Variants in EXT1 observed in about 807,000 individuals in gnomAD.
EXT1 encodes the protein exostosin glycosyltransferase 1.
Under a neutral mutation model 82.5 loss-of-function variants are expected in EXT1, and 20 were observed. The observed-to-expected ratio is 0.24, with a 90% CI of 0.17 to 0.35. The LOEUF (loss-of-function observed/expected upper bound fraction) is 0.35, where lower values mean the gene tolerates loss of function less well. Among genes scored for constraint, EXT1 ranks in the 10% least tolerant of loss-of-function variants. The pLI is 1.00. For synonymous variants in EXT1, 348 were observed against 350.8 expected (o/e 0.99, Z 0.09); for missense variants, 757 against 936.5 (o/e 0.81, Z 2.50).
chr8:118,005,217 C>CAGAT (rs1275512263), intron 1 of EXT1, among the ~76,000 whole-genome samples: 1 of 152,176 alleles, frequency 6.6e-6, no homozygotes, highest in Admixed American at 6.5e-5. Context: ...TCATGACTGA[C>CAGAT]AGATATCCCA....
At chr8:117,924,055 C>T (rs1028272110) in intron 1 of EXT1, among the ~76,000 whole-genome samples, 2 of 152,202 alleles carry the variant, frequency 1.3e-5, no homozygotes, top group African/African-American at 4.8e-5. Context: ...TAGAGGAATT[C>T]GTATCACGTG....
chr8:117,894,204 T>G (rs1813296390), intron 1 of EXT1, among the ~76,000 whole-genome samples: 1 of 152,184 alleles, frequency 6.6e-6, no homozygotes, highest in Admixed American at 6.5e-5. Flanking sequence ...TCTTTTCTTT[T>G]ACTTTTTTTG....
chr8:118,068,272 C>A (rs969150705), intron 1 of EXT1, among the ~76,000 whole-genome samples: 1 of 152,170 alleles, frequency 6.6e-6, no homozygotes, highest in Non-Finnish European at 1.5e-5. Flanking sequence ...AAAGAAAACT[C>A]AAAAATGTAG....
intron 1 of EXT1, among the ~76,000 whole-genome samples, chr8:117,868,410 C>T (rs949314376): frequency 6.6e-6 from 1 of 152,108 alleles, no homozygotes; most frequent in African/African-American, 2.4e-5. Flanking sequence ...ATCATTGAAG[C>T]CAATATGGCT....
chr8:117,924,994 A>G (rs1388757746), intron 1 of EXT1, among the ~76,000 whole-genome samples: 2 of 152,210 alleles, frequency 1.3e-5, no homozygotes, highest in Non-Finnish European at 2.9e-5. Context: ...TGGTTCTAAA[A>G]TGACTTTTAT....
chr8:117,893,637 A>T (rs1310710317), intron 1 of EXT1, among the ~76,000 whole-genome samples: 1 of 152,184 alleles, frequency 6.6e-6, no homozygotes, highest in Non-Finnish European at 1.5e-5. Context: ...AGCTTGTCCC[A>T]ATCCCTGGTG....
intron 1 of EXT1, among the ~76,000 whole-genome samples, chr8:117,984,128 G>A (rs1428830484): frequency 2.0e-5 from 3 of 152,220 alleles, no homozygotes; most frequent in Non-Finnish European, 4.4e-5. Flanking sequence ...GGCTAGAGAT[G>A]TGGCAACTGG....
intron 1 of EXT1, among the ~76,000 whole-genome samples, chr8:117,973,984 A>AGGAAGGAAGGAAGGAG (rs1563617771): frequency 5.3e-5 from 8 of 151,480 alleles, no homozygotes; most frequent in Non-Finnish European, 7.4e-5. Context: ...GAAGGAAGGA[A>AGGAAGGAAGGAAGGAG]GGAAATAAAT....
intron 1 of EXT1, among the ~76,000 whole-genome samples, chr8:118,059,703 C>T (rs992016360): frequency 1.3e-5 from 2 of 152,188 alleles, no homozygotes; most frequent in African/African-American, 4.8e-5. Flanking sequence ...TTCTCTAATC[C>T]TCTCACTTTC....
At chr8:118,004,110 A>G (rs111902084) in intron 1 of EXT1, among the ~76,000 whole-genome samples, 7,135 of 150,972 alleles carry the variant, frequency 0.047, 353 homozygotes, top group African/African-American at 0.12. Context: ...CAGAGGCAGG[A>G]AAAAAAAAAT....
intron 1 of EXT1, among the ~76,000 whole-genome samples, chr8:117,957,224 T>A (rs1477435095): frequency 1.3e-5 from 2 of 152,274 alleles, no homozygotes; most frequent in East Asian, 1.9e-4. Flanking sequence ...TTTTAAGAGT[T>A]TTTTACATCA....
chr8:118,111,301 G>A lies in EXT1; in HGVS notation c.-255C>T, dbSNP rs1203995186. ...GGGAGAGAGCGGGGCTGAATATCTC[G>A]CACCCAGGGCGGGCGAGCAGCGGAC... On this transcript the variant is annotated 5_prime_UTR_variant, in exon 1 of 11. Coordinates refer to ENST00000378204, the MANE Select transcript of EXT1 (RefSeq NM_000127.3). The A allele has an allele frequency of 1.6e-6, 1 of 611,124 alleles. No homozygotes were observed. Among genetic ancestry groups the A allele is most frequent in the East Asian group, 2.7e-5 (1 of 36,398 alleles). The allele number at this position is 611,124 out of a possible 1,614,324, so 37.9% of individuals were successfully genotyped here.
intron 1 of EXT1, among the ~76,000 whole-genome samples, chr8:117,955,750 T>A (rs889179985): frequency 1.3e-5 from 2 of 152,126 alleles, no homozygotes; most frequent in African/African-American, 4.8e-5. Context: ...GAGAGGAGGT[T>A]TTCACCATGT....
intron 4 of EXT1, among the ~76,000 whole-genome samples, chr8:117,828,712 G>T (rs1272898627): frequency 6.6e-6 from 1 of 152,172 alleles, no homozygotes; most frequent in East Asian, 1.9e-4. Context: ...AAGTTTGCTT[G>T]CAGGAAGGAA....
At chr8:118,088,843 C>T (rs982004905) in intron 1 of EXT1, among the ~76,000 whole-genome samples, 1 of 152,038 alleles carries the variant, frequency 6.6e-6, no homozygotes, top group East Asian at 1.9e-4. Flanking sequence ...TTGAAAGCAC[C>T]GTGTGAAGTA....
chr8:117,977,880 C>A (rs1815102220), intron 1 of EXT1, among the ~76,000 whole-genome samples: 1 of 152,136 alleles, frequency 6.6e-6, no homozygotes, highest in Non-Finnish European at 1.5e-5. Context: ...CTTTCTCCAC[C>A]AAACTTAGAA....
intron 1 of EXT1, among the ~76,000 whole-genome samples, chr8:117,861,526 G>GACCATATCACTTCC (rs1221699841): frequency 2.7e-3 from 224 of 82,778 alleles, no homozygotes; most frequent in Non-Finnish European, 3.9e-3. Context: ...ATAGAGTCTT[G>GACCATATCACTTCC]CTCTGTCACC....
At chr8:117,803,905 G>T (rs1000116381) in intron 10 of EXT1, among the ~76,000 whole-genome samples, 28 of 152,070 alleles carry the variant, frequency 1.8e-4, no homozygotes, top group African/African-American at 6.5e-4. Context: ...TTACTGACTT[G>T]CCTGTATTTT....
At chr8:117,971,934 T>C (rs1000485175) in intron 1 of EXT1, among the ~76,000 whole-genome samples, 2 of 152,140 alleles carry the variant, frequency 1.3e-5, no homozygotes, top group African/African-American at 4.8e-5. Flanking sequence ...GTGGGTCACC[T>C]GAGGTCTGGA....
Sources: allele counts gnomAD v4.1 joint callset (sites outside exome capture counted in the v4.1 genomes callset), GRCh38; gene constraint gnomAD v4.1.1; transcripts MANE v1.5; gene names NCBI Gene and HGNC (gene_info 2026-07-23, HGNC 2026-07-21).